TOP2B: variants seen among roughly 807,000 people sequenced by gnomAD.
The protein encoded by TOP2B is DNA topoisomerase II beta, also known as DNA topoisomerase 2-beta.
TOP2B carries 51 observed loss-of-function variants against 193.5 expected under a neutral mutation model. That is an observed-to-expected ratio of 0.26 (90% confidence interval 0.21 to 0.33). The LOEUF is 0.33. Ranked by LOEUF, TOP2B falls within the 10% of genes least tolerant of loss-of-function variation. The pLI is 1.00. For missense variants in TOP2B, 1,378 were observed against 1,909.3 expected (o/e 0.72, Z 5.19); for synonymous variants, 634 against 635.7 (o/e 1.00, Z 0.04).
In TOP2B at chr3:25,609,257, G is replaced by A. The variant is rs1357785946; in HGVS notation, c.4019C>T (p.Ser1340Phe). The change falls in exon 30 of 36, where the codon TCC becomes TTC. Residue 1340 changes from serine (S) to phenylalanine (F), a missense_variant. By Grantham distance (155) the Ser-to-Phe change is radical. Around this residue, in one of 9 missense-constraint regions of TOP2B, gnomAD observed 556 missense variants for 584.2 expected, o/e 0.95. Transcript: ENST00000264331. ...TTCTTCCAAATCACTTTCTGACTTG[G>A]ATTCATCATCTGACCAAGGATTCCG... ...KKRNPWSDDESKSESDLEETE... is the reference protein window; with the variant it reads ...KKRNPWSDDEFKSESDLEETE... 5.0e-6 allele frequency: 8 copies of A among 1,604,970 alleles called. No homozygotes were observed. Among genetic ancestry groups the A allele is most frequent in the Non-Finnish European group, 6.8e-6 (8 of 1,175,066 alleles).
In TOP2B at chr3:25,624,302, C is replaced by T; in HGVS notation, c.2490G>A (p.Met830Ile). The change falls in exon 20 of 36, where the codon ATG (methionine) becomes ATA (isoleucine). Residue 830 changes from methionine (M) to isoleucine (I), a missense_variant. Physicochemically the swap from Met to Ile is conservative, Grantham distance 10. Coordinates refer to ENST00000264331, the MANE Select transcript of TOP2B (RefSeq NM_001330700.2). ...DAASPRYIFT[M>I]LSTLARLLFP... is the part of the protein sequence containing the mutation. The stretch of plus-strand genomic sequence containing the variant: ...TTATATCAGCAAATATTTACCTTAA[C>T]ATTGTGAAAATATAACGAGGGCTTG... 1 of 1,613,732 alleles carries T rather than the reference C, an allele frequency of 6.2e-7. No individual in the cohort carries two copies. Among genetic ancestry groups the T allele is most frequent in the Non-Finnish European group, 8.5e-7 (1 of 1,179,740 alleles).
At chr3:25,654,029 T>C (rs1262073957) in intron 1 of TOP2B, among the ~76,000 whole-genome samples, 1 of 152,146 alleles carries the variant, frequency 6.6e-6, no homozygotes, top group Non-Finnish European at 1.5e-5. Context: ...TAAAAACTTT[T>C]CCTCTAAGAT....
rs1559487785 is a variant in TOP2B at position 25,598,306 on chromosome 3, C to CTTAAT, written c.4877_4881dup. 2.5e-6 allele frequency: 4 copies of CTTAAT among 1,601,518 alleles called. No homozygotes were observed. The highest frequency in any genetic ancestry group is 3.4e-6 in the Non-Finnish European group (4 of 1,172,550). On this transcript the variant is annotated 3_prime_UTR_variant, in exon 36 of 36. Transcript: ENST00000264331. Reference sequence around the variant, plus strand: ...GAAAAATGTTTGTGCTCTTTGGGCACTTAATTAAACATTGCAAAATCAACA... The same window carrying CTTAAT: ...GAAAAATGTTTGTGCTCTTTGGGCACTTAATTTAATTAAACATTGCAAAATCAACA...
At chr3:25,633,781 T>C in intron 8 of TOP2B, 60 bp downstream of exon 8, 1 of 1,377,058 alleles carries the variant, frequency 7.3e-7, no homozygotes, top group Non-Finnish European at 9.7e-7. Context: ...ATTTGTTTTG[T>C]AGTTTTTATT....
At chr3:25,628,803 C>T (rs774164307) in intron 15 of TOP2B, 44 bp downstream of exon 15, 9 of 1,176,034 alleles carry the variant, frequency 7.7e-6, no homozygotes, top group South Asian at 3.0e-5. Context: ...CATAAGAATA[C>T]ATTTATATCA....
At chr3:25,643,489 T>C (rs1703321077) in intron 3 of TOP2B, among the ~76,000 whole-genome samples, 1 of 152,104 alleles carries the variant, frequency 6.6e-6, no homozygotes, top group Non-Finnish European at 1.5e-5. Context: ...ATTTCATAGA[T>C]GAAGAAAATG....
chr3:25,607,420 T>C (rs1702263067), intron 30 of TOP2B, 45 bp from the exon 31 acceptor site: 4 of 1,532,906 alleles, frequency 2.6e-6, no homozygotes, highest in African/African-American at 1.4e-5. Flanking sequence ...AATCCTAGCT[T>C]TGTATACATG....
chr3:25,615,065 T>C (rs1702469362), intron 27 of TOP2B, 140 bp downstream of exon 27: 3 of 562,932 alleles, frequency 5.3e-6, no homozygotes, highest in African/African-American at 2.0e-5. Flanking sequence ...TTCACATAAC[T>C]AGAAGCTTAA....
At chr3:25,629,198 T>G in intron 13 of TOP2B, 53 bp from the exon 14 acceptor site, 1 of 1,289,070 alleles carries the variant, frequency 7.8e-7, no homozygotes, top group Non-Finnish European at 1.1e-6. Context: ...ATAAAATGAT[T>G]ACTTATATAA....
At position 25,607,171 on chromosome 3, in the gene TOP2B, T is replaced by A. The variant is rs1459928196; in HGVS notation, c.4298A>T (p.Glu1433Val). The change falls in exon 31 of 36, where the codon GAA becomes GTA. Residue 1433 changes from glutamate (E) to valine (V), a missense_variant and splice_region_variant. Glu to Val is a moderately radical substitution (Grantham distance 121, BLOSUM62 -2). Around this residue, in one of 9 missense-constraint regions of TOP2B, gnomAD observed 556 missense variants for 584.2 expected, o/e 0.95. Coordinates refer to ENST00000264331, the MANE Select transcript of TOP2B (RefSeq NM_001330700.2). The stretch of plus-strand genomic sequence containing the variant: ...CACATCACTAAATAGCATTACTTAC[T>A]CTGGAGTGGCTTTTGATTTGCCTGG... ...FSPGKSKATPEKSLHDKKSQD... is the reference protein window; with the variant it reads ...FSPGKSKATPVKSLHDKKSQD... 6.2e-7 allele frequency: 1 copy of A among 1,612,992 alleles called. No individual in the cohort carries two copies. The highest frequency in any genetic ancestry group is 1.3e-5 in the African/African-American group (1 of 74,894).
intron 1 of TOP2B, among the ~76,000 whole-genome samples, chr3:25,662,103 G>A (rs1327606367): frequency 6.6e-6 from 1 of 152,194 alleles, no homozygotes; most frequent in East Asian, 1.9e-4. Context: ...ATTTCTTGAA[G>A]TTCACCAATA....
chr3:25,598,216 AAAATAAGCCAGATGTAC>A lies in TOP2B; in HGVS notation c.*74_*90del. ...AAACCGTCAATTACATCATCACATT[AAAATAAGCCAGATGTAC>A]AAAAGTCTGAGACAGAGAAGACAAA... On this transcript the variant is annotated 3_prime_UTR_variant, in exon 36 of 36. Transcript: ENST00000264331. 2 of 1,349,378 alleles carry A rather than the reference AAAATAAGCCAGATGTAC, an allele frequency of 1.5e-6. No individual in the cohort carries two copies. The highest frequency in any genetic ancestry group is 2.0e-6 in the Non-Finnish European group (2 of 991,382). 83.6% of individuals were successfully genotyped at this position (1,349,378 alleles called of 1,614,324 possible).
intron 1 of TOP2B, among the ~76,000 whole-genome samples, chr3:25,659,655 C>A (rs933926971): frequency 1.3e-5 from 2 of 152,188 alleles, no homozygotes; most frequent in Non-Finnish European, 2.9e-5. Context: ...ACAGCCCATA[C>A]TCTTAGCATT....
At chr3:25,650,927 CATA>C (rs1162278482) in intron 1 of TOP2B, among the ~76,000 whole-genome samples, 3 of 152,154 alleles carry the variant, frequency 2.0e-5, no homozygotes, top group African/African-American at 7.2e-5. Context: ...TCAATTTTAG[CATA>C]ATTCATATTG....
At chr3:25,640,101 G>C (rs1190672419) in intron 4 of TOP2B, among the ~76,000 whole-genome samples, 3 of 152,074 alleles carry the variant, frequency 2.0e-5, no homozygotes, top group Admixed American at 2.0e-4. Context: ...TCTTAAATTA[G>C]AAATCTTACT....
At chr3:25,661,074 C>T (rs891942235) in intron 1 of TOP2B, among the ~76,000 whole-genome samples, 1 of 149,200 alleles carries the variant, frequency 6.7e-6, no homozygotes, top group African/African-American at 2.5e-5. Context: ...GATCTCGGCT[C>T]ACCGCAACCT....
At chr3:25,603,100 A>C (rs990925927) in intron 33 of TOP2B, among the ~76,000 whole-genome samples, 4 of 152,178 alleles carry the variant, frequency 2.6e-5, no homozygotes, top group African/African-American at 9.7e-5. Context: ...TGGTCATGCT[A>C]AACTCATTAG....
At chr3:25,664,139 T>G in intron 1 of TOP2B, 90 bp downstream of exon 1, 4 of 1,482,872 alleles carry the variant, frequency 2.7e-6, no homozygotes, top group Non-Finnish European at 3.6e-6. Flanking sequence ...GGGATTTCCC[T>G]CCCTTTCCCC....
In TOP2B at chr3:25,629,195, G is replaced by A. The variant is rs566754654; in HGVS notation, c.1690-50C>T. 6.1e-5 allele frequency: 79 copies of A among 1,299,486 alleles called. No individual in the cohort carries two copies. In the Middle Eastern group the frequency reaches 1.1e-3, roughly 17 times the overall value. The allele number at this position is 1,299,486 out of a possible 1,614,324, so 80.5% of individuals were successfully genotyped here. A position where few individuals can be genotyped will look rare whatever the true frequency, so the allele number is the denominator to read the frequency against. On this transcript the variant is annotated intron_variant, in intron 13 of 35. Coordinates refer to ENST00000264331, the MANE Select transcript of TOP2B (RefSeq NM_001330700.2). The stretch of plus-strand genomic sequence containing the variant: ...AAATGTTGTAATACTTTTATAAAAT[G>A]ATTACTTATATAAACAAATTTTAAA...
Sources: allele counts gnomAD v4.1 joint callset (sites outside exome capture counted in the v4.1 genomes callset), GRCh38; gene constraint gnomAD v4.1.1; regional missense constraint gnomAD v4.1.1; transcripts MANE v1.5; gene names NCBI Gene and HGNC (gene_info 2026-07-23, HGNC 2026-07-21).